Variants in PCP4L1 observed in about 807,000 individuals in gnomAD.
The protein encoded by PCP4L1 is Purkinje cell protein 4 like 1.
A neutral mutation model predicts 9.6 loss-of-function variants in PCP4L1; 9 were observed. The observed-to-expected ratio is 0.94, with a 90% confidence interval of 0.57 to 1.64. PCP4L1 has a LOEUF of 1.64. Among genes scored for constraint, PCP4L1 ranks in the 40% most tolerant of loss-of-function variants. The pLI is 0.00. For synonymous variants in PCP4L1, 31 were observed against 28.2 expected (o/e 1.10, Z -0.31); for missense variants, 81 against 80.8 (o/e 1.00, Z -0.01).
chr1:161,264,983 G>A (rs1669506141), intron 1 of PCP4L1, among the ~76,000 whole-genome samples: 1 of 152,206 alleles, frequency 6.6e-6, no homozygotes, highest in Non-Finnish European at 1.5e-5. Flanking sequence ...TACGCAGGAT[G>A]CCTAGTCACC....
intron 1 of PCP4L1, among the ~76,000 whole-genome samples, chr1:161,259,274 C>G (rs968924063): frequency 6.6e-6 from 1 of 152,142 alleles, no homozygotes; most frequent in Non-Finnish European, 1.5e-5. Context: ...GTCATCCCCT[C>G]TGGATACTGC....
chr1:161,259,086 G>T, intron 1 of PCP4L1, 103 bp downstream of exon 1: 2 of 1,458,428 alleles, frequency 1.4e-6, no homozygotes, highest in Non-Finnish European at 1.8e-6. Flanking sequence ...GACCGGAGCC[G>T]CGAAGAACCC....
In PCP4L1 at chr1:161,284,643, AG is replaced by A; in HGVS notation, c.*164del. ...CCCCCTCAAGCCATCACAGAAGTAGAGGCACAAGAGAGGTGGAGAAGATGAA... is the reference window on the plus strand; with the variant it reads ...CCCCCTCAAGCCATCACAGAAGTAGAGCACAAGAGAGGTGGAGAAGATGAA... On this transcript the variant is annotated 3_prime_UTR_variant, in exon 3 of 3. Coordinates refer to ENST00000504449, the MANE Select transcript of PCP4L1 (RefSeq NM_001102566.2). 4 of 910,620 alleles carry A rather than the reference AG, an allele frequency of 4.4e-6. No homozygotes were observed. Among genetic ancestry groups the A allele is most frequent in the African/African-American group, 1.7e-5 (1 of 59,314 alleles). 56.4% of individuals were successfully genotyped at this position (910,620 alleles called of 1,614,324 possible).
intron 1 of PCP4L1, among the ~76,000 whole-genome samples, chr1:161,280,743 C>T (rs1288748833): frequency 6.6e-6 from 1 of 152,232 alleles, no homozygotes; most frequent in African/African-American, 2.4e-5. Context: ...ATTTTCTTCA[C>T]GTGGCTTCCA....
At position 161,258,938 on chromosome 1, in the gene PCP4L1, G is replaced by GC. The variant is rs1404063664; in HGVS notation, c.-36dup. Reference sequence around the variant, plus strand: ...CCCGAGGGCCACTCGCCTCACCTGTGCGTGCAGCGCCTCGCGCGCCCTGTC... The same window carrying GC: ...CCCGAGGGCCACTCGCCTCACCTGTGCCGTGCAGCGCCTCGCGCGCCCTGTC... On this transcript the variant is annotated 5_prime_UTR_variant, in exon 1 of 3. Transcript: ENST00000504449. The GC allele has an allele frequency of 2.6e-6, 4 of 1,534,756 alleles. No individual in the cohort carries two copies. In the African/African-American group the frequency reaches 4.1e-5, roughly 16 times the overall value.
intron 1 of PCP4L1, among the ~76,000 whole-genome samples, chr1:161,273,193 A>C (rs548422014): frequency 8.5e-5 from 13 of 152,336 alleles, no homozygotes; most frequent in African/African-American, 3.1e-4. Context: ...AGAGGCAAGG[A>C]TTAAAGAAAT....
chr1:161,271,964 C>T (rs184792772), intron 1 of PCP4L1, among the ~76,000 whole-genome samples: 89 of 151,464 alleles, frequency 5.9e-4, no homozygotes, highest in Admixed American at 9.8e-4. Flanking sequence ...CATGTCACCA[C>T]ACTTGGACTA....
At chr1:161,273,670 C>T (rs555549701) in intron 1 of PCP4L1, among the ~76,000 whole-genome samples, 23 of 152,222 alleles carry the variant, frequency 1.5e-4, no homozygotes, top group Non-Finnish European at 2.2e-4. Flanking sequence ...GAGTCAGCCT[C>T]GTGTATCAGG....
chr1:161,259,012 G>T (rs1490742168), intron 1 of PCP4L1, 29 bp downstream of exon 1: 1 of 1,528,528 alleles, frequency 6.5e-7, no homozygotes, highest in Non-Finnish European at 8.7e-7. Context: ...GGCGCTGTCG[G>T]CAGGGCTGCG....
chr1:161,279,804 C>A (rs1262636990), intron 1 of PCP4L1, among the ~76,000 whole-genome samples: 1 of 152,106 alleles, frequency 6.6e-6, no homozygotes, highest in Admixed American at 6.5e-5. Flanking sequence ...GATGAAGTAG[C>A]CTTATTAATA....
intron 1 of PCP4L1, among the ~76,000 whole-genome samples, chr1:161,275,578 G>A (rs557670272): frequency 1.3e-5 from 2 of 151,570 alleles, no homozygotes; most frequent in Non-Finnish European, 2.9e-5. Flanking sequence ...GGGTTGGGGT[G>A]AGAGAAAAGA....
chr1:161,284,796 A>G lies in PCP4L1; in HGVS notation c.*315A>G. On this transcript the variant is annotated 3_prime_UTR_variant, in exon 3 of 3. Transcript: ENST00000504449. ...GCTTCGAGGCTGAGAGATCTCCCCAAAGAACAATGTGGGAAGGAGGGGAAG... is the reference window on the plus strand; with the variant it reads ...GCTTCGAGGCTGAGAGATCTCCCCAGAGAACAATGTGGGAAGGAGGGGAAG... 3.1e-6 allele frequency: 1 copy of G among 327,032 alleles called. No individual in the cohort carries two copies. The highest frequency in any genetic ancestry group is 5.7e-6 in the Non-Finnish European group (1 of 176,458). 20.3% of individuals were successfully genotyped at this position (327,032 alleles called of 1,614,324 possible).
At chr1:161,265,323 G>A (rs890984783) in intron 1 of PCP4L1, among the ~76,000 whole-genome samples, 1 of 152,096 alleles carries the variant, frequency 6.6e-6, no homozygotes, top group African/African-American at 2.4e-5. Flanking sequence ...TTCAGCCCAG[G>A]AGTTTGAGAC....
At chr1:161,264,239 G>T (rs1231389967) in intron 1 of PCP4L1, among the ~76,000 whole-genome samples, 1 of 151,758 alleles carries the variant, frequency 6.6e-6, no homozygotes, top group East Asian at 2.0e-4. Flanking sequence ...AGAAATATAG[G>T]CTGGGCACTG....
rs150704327 is a variant in PCP4L1 at position 161,273,425 on chromosome 1, A to AAAAC, written c.10-10227_10-10224dup. 2.0e-5 allele frequency among the ~76,000 whole-genome samples: 3 copies of AAAAC among 152,098 alleles called. 1 individual carries two copies. Among genetic ancestry groups the AAAAC allele is most frequent in the South Asian group, 4.1e-4 (2 of 4,836 alleles). On this transcript the variant is annotated intron_variant, in intron 1 of 2. Coordinates refer to ENST00000504449, the MANE Select transcript of PCP4L1 (RefSeq NM_001102566.2). ...TATTGCTTGAGTGAGAACCTGTTTCAAAACAAACAAACAAACAAAACCCCC... is the reference window on the plus strand; with the variant it reads ...TATTGCTTGAGTGAGAACCTGTTTCAAAACAAACAAACAAACAAACAAAACCCCC...
chr1:161,272,186 CTT>C (rs11365328), intron 1 of PCP4L1, among the ~76,000 whole-genome samples: 10 of 145,448 alleles, frequency 6.9e-5, no homozygotes, highest in Middle Eastern at 3.5e-3. Context: ...GGGGTAATCC[CTT>C]TTTTTTTTTT....
At chr1:161,283,244 C>T (rs1669853399) in intron 1 of PCP4L1, among the ~76,000 whole-genome samples, 1 of 152,246 alleles carries the variant, frequency 6.6e-6, no homozygotes, top group African/African-American at 2.4e-5. Context: ...TCTCCTTCAG[C>T]TATTTGGTCA....
chr1:161,265,731 A>AC (rs1669518493), intron 1 of PCP4L1, among the ~76,000 whole-genome samples: 2 of 91,574 alleles, frequency 2.2e-5, no homozygotes, highest in Non-Finnish European at 4.2e-5. Flanking sequence ...ATCCAAAACC[A>AC]CTTTTTTTTT....
At chr1:161,282,867 C>T (rs1016518134) in intron 1 of PCP4L1, among the ~76,000 whole-genome samples, 6 of 152,072 alleles carry the variant, frequency 3.9e-5, no homozygotes, top group African/African-American at 1.4e-4. Flanking sequence ...ACCCAGAATC[C>T]AACCATTTAC....
Sources: allele counts gnomAD v4.1 joint callset (sites outside exome capture counted in the v4.1 genomes callset), GRCh38; gene constraint gnomAD v4.1.1; transcripts MANE v1.5; gene names NCBI Gene and HGNC (gene_info 2026-07-23, HGNC 2026-07-21).